FRYL: variants seen among roughly 807,000 people sequenced by gnomAD.
FRYL encodes the protein FRY like transcription coactivator, also known as protein furry homolog-like.
FRYL carries 150 observed loss-of-function variants against 351.2 expected under a neutral mutation model. That is an observed-to-expected ratio of 0.43 (90% CI 0.37 to 0.49). The LOEUF (loss-of-function observed/expected upper bound fraction) is 0.49, where lower values mean the gene tolerates loss of function less well. Ranked by LOEUF, FRYL falls within the 20% of genes least tolerant of loss-of-function variation. The pLI is 0.00. For synonymous variants in FRYL, 1,153 were observed against 1,257.1 expected, an observed-to-expected ratio of 0.92 and a Z score of 1.75; for missense variants, 3,036 against 3,619.3, an observed-to-expected ratio of 0.84 and a Z score of 4.13.
At chr4:48,594,323 T>C (rs555106461) in intron 15 of FRYL, among the ~76,000 whole-genome samples, 10 of 151,484 alleles carry the variant, frequency 6.6e-5, no homozygotes, top group East Asian at 1.9e-4. Flanking sequence ...CCCAAGACAA[T>C]AGCCAGGCAG....
At chr4:48,591,931 T>G (rs1222299605) in intron 16 of FRYL, among the ~76,000 whole-genome samples, 2 of 151,666 alleles carry the variant, frequency 1.3e-5, no homozygotes, top group Non-Finnish European at 2.9e-5. Context: ...AATGTTTTTT[T>G]CTCAGTGAAT....
At chr4:48,597,483 C>T (rs762585480) in intron 13 of FRYL, among the ~76,000 whole-genome samples, 15 of 151,866 alleles carry the variant, frequency 9.9e-5, no homozygotes, top group Non-Finnish European at 1.8e-4. Flanking sequence ...ATGCTGATTA[C>T]GGGGGAAGCT....
At chr4:48,573,955 T>A (rs1738970935) in intron 25 of FRYL, among the ~76,000 whole-genome samples, 1 of 152,218 alleles carries the variant, frequency 6.6e-6, no homozygotes, top group African/African-American at 2.4e-5. Flanking sequence ...GACATTTTCA[T>A]TTATTAATGA....
At chr4:48,673,897 T>C (rs1201308746) in intron 3 of FRYL, among the ~76,000 whole-genome samples, 2 of 152,208 alleles carry the variant, frequency 1.3e-5, no homozygotes, top group Non-Finnish European at 2.9e-5. Context: ...AACACATATG[T>C]ACTAAATAGG....
intron 1 of FRYL, among the ~76,000 whole-genome samples, chr4:48,748,373 C>A (rs138772227): frequency 6.6e-6 from 1 of 152,204 alleles, no homozygotes; most frequent in Non-Finnish European, 1.5e-5. Flanking sequence ...CTGAACATTA[C>A]GTTTCCCAGC....
At position 48,523,008 on chromosome 4, in the gene FRYL, A is replaced by G. The variant is rs1223493060; in HGVS notation, c.7414T>C (p.Ser2472Pro). Residue 2472 changes from serine to proline, a missense_variant, in exon 54 of 64, where the codon TCT becomes CCT. Transcript: ENST00000358350. ...AGGTTCAGGCTGGGGGTGCTACTAG[A>G]GCACTGGTACTCCTGGAGGGATGGA... is the stretch of plus-strand genomic sequence containing the variant. ...DTPSLQEYQC[S>P]SSTPSLNLTN... The G allele has an allele frequency of 6.2e-7, 1 of 1,613,830 alleles. No homozygotes were observed. Among genetic ancestry groups the G allele is most frequent in the Admixed American group, 1.7e-5 (1 of 60,006 alleles).
At chr4:48,768,746 G>A (rs1252198275) in intron 1 of FRYL, among the ~76,000 whole-genome samples, 7 of 151,860 alleles carry the variant, frequency 4.6e-5, no homozygotes, top group Admixed American at 4.6e-4. Context: ...GATGTTGAGT[G>A]CGCCATTGCA....
At chr4:48,602,497 A>G (rs1246620530) in intron 12 of FRYL, among the ~76,000 whole-genome samples, 1 of 152,152 alleles carries the variant, frequency 6.6e-6, no homozygotes, top group African/African-American at 2.4e-5. Flanking sequence ...AGGTACTCTA[A>G]GCCTCACTTT....
chr4:48,759,778 CT>C (rs562460978), intron 1 of FRYL, among the ~76,000 whole-genome samples: 28 of 152,290 alleles, frequency 1.8e-4, no homozygotes, highest in African/African-American at 5.3e-4. Flanking sequence ...TCTGCTTCCA[CT>C]TTTCAGGACC....
chr4:48,754,012 A>C (rs915345939), intron 1 of FRYL, among the ~76,000 whole-genome samples: 1 of 152,222 alleles, frequency 6.6e-6, no homozygotes, highest in African/African-American at 2.4e-5. Context: ...ATTAATCTAT[A>C]TGTATTGACA....
chr4:48,599,647 G>C (rs1276242691), intron 13 of FRYL, among the ~76,000 whole-genome samples: 1 of 152,170 alleles, frequency 6.6e-6, no homozygotes, highest in Non-Finnish European at 1.5e-5. Flanking sequence ...GACTAGAAGA[G>C]CAAGAGCTAT....
chr4:48,675,886 A>G (rs1444804435), intron 3 of FRYL, among the ~76,000 whole-genome samples: 2 of 152,126 alleles, frequency 1.3e-5, no homozygotes, highest in Non-Finnish European at 2.9e-5. Context: ...TATATAGCTC[A>G]AGGTTTGTAA....
intron 60 of FRYL, among the ~76,000 whole-genome samples, chr4:48,504,578 C>A (rs1478315250): frequency 6.6e-6 from 1 of 152,074 alleles, no homozygotes; most frequent in East Asian, 1.9e-4. Context: ...GATGACTTAG[C>A]AGTTTCTTTT....
intron 1 of FRYL, among the ~76,000 whole-genome samples, chr4:48,760,976 C>T (rs191199697): frequency 6.6e-6 from 1 of 151,216 alleles, no homozygotes; most frequent in Non-Finnish European, 1.5e-5. Context: ...CCGCCCCCGG[C>T]CACCCTCGCT....
At chr4:48,708,511 T>C (rs1767635692) in intron 2 of FRYL, among the ~76,000 whole-genome samples, 1 of 152,116 alleles carries the variant, frequency 6.6e-6, no homozygotes, top group African/African-American at 2.4e-5. Flanking sequence ...GGCCCTGCAA[T>C]TCCACTTCTA....
At chr4:48,527,929 A>G (rs754430565) in intron 52 of FRYL, 42 bp downstream of exon 52, 3 of 1,407,658 alleles carry the variant, frequency 2.1e-6, no homozygotes, top group South Asian at 1.4e-5. Flanking sequence ...AAGGAATAAC[A>G]TGATCTTTAA....
chr4:48,526,665 G>T (rs565534905), intron 53 of FRYL, among the ~76,000 whole-genome samples: 2 of 152,260 alleles, frequency 1.3e-5, no homozygotes, highest in South Asian at 4.1e-4. Context: ...CTAGAGAACT[G>T]CAGATAAACA....
At chr4:48,673,063 G>A (rs1762980259) in intron 3 of FRYL, among the ~76,000 whole-genome samples, 1 of 152,184 alleles carries the variant, frequency 6.6e-6, no homozygotes, top group Non-Finnish European at 1.5e-5. Flanking sequence ...TGAATACCTA[G>A]GGAGAGGTAT....
At chr4:48,597,007 T>C (rs1744719433) in intron 13 of FRYL, among the ~76,000 whole-genome samples, 1 of 152,124 alleles carries the variant, frequency 6.6e-6, no homozygotes, top group Non-Finnish European at 1.5e-5. Flanking sequence ...CTGTGCTCAT[T>C]AGACTCGCAG....
Sources: allele counts gnomAD v4.1 joint callset (sites outside exome capture counted in the v4.1 genomes callset), GRCh38; gene constraint gnomAD v4.1.1; transcripts MANE v1.5; gene names NCBI Gene and HGNC (gene_info 2026-07-23, HGNC 2026-07-21).